Variants in GRM8 observed in about 807,000 individuals in gnomAD.
The protein encoded by GRM8 is glutamate metabotropic receptor 8.
Under a neutral mutation model 87.2 loss-of-function variants are expected in GRM8, and 47 were observed. That is an observed-to-expected ratio of 0.54 (90% CI 0.43 to 0.69). GRM8 has a LOEUF of 0.69. Among genes scored for constraint, GRM8 ranks in the 30% least tolerant of loss-of-function variants. The pLI, the probability that GRM8 is intolerant of heterozygous loss-of-function variation, is 0.00. For synonymous variants in GRM8, 396 were observed against 404.5 expected (o/e 0.98, Z 0.25); for missense variants, 1,019 against 1,139.2 (o/e 0.89, Z 1.52).
chr7:126,455,090 A>T (rs1191200058), intron 9 of GRM8, among the ~76,000 whole-genome samples: 1 of 151,794 alleles, frequency 6.6e-6, no homozygotes, highest in African/African-American at 2.4e-5. Flanking sequence ...CAACCATAAC[A>T]TCTATCAATT....
chr7:126,886,514 G>A (rs538514885), intron 6 of GRM8, among the ~76,000 whole-genome samples: 2 of 152,096 alleles, frequency 1.3e-5, no homozygotes, highest in Non-Finnish European at 2.9e-5. Context: ...GATGTCAACA[G>A]TGATGCCAAG....
chr7:127,221,641 G>A (rs1306029021), intron 2 of GRM8, among the ~76,000 whole-genome samples: 1 of 152,172 alleles, frequency 6.6e-6, no homozygotes, highest in East Asian at 1.9e-4. Flanking sequence ...GAGAATGCTC[G>A]TTAATAACTC....
At chr7:126,770,471 C>G (rs1050567778) in intron 6 of GRM8, among the ~76,000 whole-genome samples, 2 of 152,064 alleles carry the variant, frequency 1.3e-5, no homozygotes, top group Admixed American at 6.6e-5. Flanking sequence ...AAAGTAAGGT[C>G]TTTCACCACC....
At chr7:127,104,841 TATTTTAGTCAAA>T (rs1378218674) in intron 3 of GRM8, among the ~76,000 whole-genome samples, 2 of 152,234 alleles carry the variant, frequency 1.3e-5, no homozygotes, top group Non-Finnish European at 2.9e-5. Context: ...AAGTATTTCT[TATTTTAGTCAAA>T]AGAATAAAAC....
chr7:126,652,700 A>T lies in GRM8; in HGVS notation c.1358-43202T>A, dbSNP rs574205954. On this transcript the variant is annotated intron_variant, in intron 7 of 10. Coordinates refer to ENST00000339582, the MANE Select transcript of GRM8 (RefSeq NM_000845.3). ...CCAAGTTCTTCAGCTTTGGGGCTCA[A>T]ACTGGCTTCCTTGCTTCTCAACTTG... is the stretch of plus-strand genomic sequence containing the variant. 6.6e-5 allele frequency among the ~76,000 whole-genome samples: 10 copies of T among 152,314 alleles called. No homozygotes were observed. The South Asian group carries it at 1.7e-3, about 25-fold the overall frequency.
At position 126,717,278 on chromosome 7, in the gene GRM8, G is replaced by A. The variant is rs574151758; in HGVS notation, c.1357+52587C>T. Reference sequence around the variant, plus strand: ...TCCCTGAGGCAAATAATTCTAGAAGGGTGGAGATGGAAAGCACTGGTGTGA... The same window carrying A: ...TCCCTGAGGCAAATAATTCTAGAAGAGTGGAGATGGAAAGCACTGGTGTGA... On this transcript the variant is annotated intron_variant, in intron 7 of 10. Transcript: ENST00000339582. Among the ~76,000 whole-genome samples the A allele has an allele frequency of 2.6e-5, 4 of 152,284 alleles. No individual in the cohort carries two copies. In the South Asian group the frequency reaches 6.2e-4, roughly 24 times the overall value.
intron 9 of GRM8, among the ~76,000 whole-genome samples, chr7:126,472,518 G>T (rs1226272384): frequency 6.6e-6 from 1 of 152,108 alleles, no homozygotes; most frequent in Non-Finnish European, 1.5e-5. Context: ...CAAAGATATG[G>T]TTTGGAATTG....
chr7:126,822,768 A>T (rs989776298), intron 6 of GRM8, among the ~76,000 whole-genome samples: 9 of 151,790 alleles, frequency 5.9e-5, no homozygotes, highest in African/African-American at 2.2e-4. Context: ...TTTATGATAA[A>T]CTACCTCTGA....
chr7:126,830,515 T>G (rs895113751), intron 6 of GRM8, among the ~76,000 whole-genome samples: 1 of 152,260 alleles, frequency 6.6e-6, no homozygotes. Context: ...GGCGTCTGCA[T>G]TCTTCACATA....
At chr7:126,789,429 T>A (rs1235808665) in intron 6 of GRM8, among the ~76,000 whole-genome samples, 2 of 152,178 alleles carry the variant, frequency 1.3e-5, no homozygotes, top group Non-Finnish European at 2.9e-5. Context: ...TAAAGCTTTT[T>A]ATCTTTGCTG....
At chr7:126,719,852 A>G (rs75836346) in intron 7 of GRM8, among the ~76,000 whole-genome samples, 1 of 73,600 alleles carries the variant, frequency 1.4e-5, no homozygotes, top group Non-Finnish European at 2.6e-5. Context: ...TTTAGTCTTG[A>G]AAAAAAAAAA....
At chr7:126,683,824 T>G (rs956792318) in intron 7 of GRM8, among the ~76,000 whole-genome samples, 2 of 152,182 alleles carry the variant, frequency 1.3e-5, no homozygotes, top group Non-Finnish European at 2.9e-5. Context: ...GCTCTTTTCA[T>G]CCATGAGTGA....
intron 2 of GRM8, among the ~76,000 whole-genome samples, chr7:127,157,980 T>C (rs1161433506): frequency 6.6e-6 from 1 of 152,048 alleles, no homozygotes; most frequent in Non-Finnish European, 1.5e-5. Flanking sequence ...GGCAATGTGC[T>C]CTAAACTAAG....
At chr7:126,553,564 G>A (rs1792819059) in intron 8 of GRM8, among the ~76,000 whole-genome samples, 1 of 152,054 alleles carries the variant, frequency 6.6e-6, no homozygotes, top group African/African-American at 2.4e-5. Context: ...ACTCTGCTTG[G>A]GGTGGATTAT....
intron 3 of GRM8, among the ~76,000 whole-genome samples, chr7:127,011,363 T>A (rs1814877043): frequency 6.6e-6 from 1 of 152,132 alleles, no homozygotes; most frequent in Admixed American, 6.6e-5. Flanking sequence ...AACTTGAAGG[T>A]TTAACTACAT....
intron 9 of GRM8, among the ~76,000 whole-genome samples, chr7:126,469,043 G>C (rs1187312071): frequency 6.6e-6 from 1 of 152,004 alleles, no homozygotes; most frequent in Non-Finnish European, 1.5e-5. Flanking sequence ...CTTTGTTTCA[G>C]CATTTATTGT....
chr7:126,788,420 A>AAAAAAAAAAAAAAACAAAAAACAAAAAAC lies in GRM8; in HGVS notation c.1157-18356_1157-18355insGTTTTTTGTTTTTTGTTTTTTTTTTTTTT. On this transcript the variant is annotated intron_variant, in intron 6 of 10. Transcript: ENST00000339582. ...GCAAGACTCCATCTCAAAAAAAAAAAAAACCCTTTCAGATATCTTTAACAT... is the reference window on the plus strand; with the variant it reads ...GCAAGACTCCATCTCAAAAAAAAAAAAAAAAAAAAAAAAACAAAAAACAAAAAACAAACCCTTTCAGATATCTTTAACAT... 2.2e-3 allele frequency among the ~76,000 whole-genome samples: 177 copies of AAAAAAAAAAAAAAACAAAAAACAAAAAAC among 81,110 alleles called. 11 individuals are homozygous for AAAAAAAAAAAAAAACAAAAAACAAAAAAC. The highest frequency in any genetic ancestry group is 4.5e-3 in the East Asian group (12 of 2,684). 53.2% of individuals were successfully genotyped at this position (81,110 alleles called of 152,430 possible).
At chr7:126,609,521 G>T in intron 7 of GRM8, 23 bp from the exon 8 acceptor site, 1 of 1,591,792 alleles carries the variant, frequency 6.3e-7, no homozygotes, top group Non-Finnish European at 8.6e-7. Context: ...AGAAAACAAT[G>T]TTAATAAAGT....
intron 6 of GRM8, among the ~76,000 whole-genome samples, chr7:126,770,772 T>C (rs571914023): frequency 2.0e-5 from 3 of 152,190 alleles, no homozygotes; most frequent in Admixed American, 2.0e-4. Context: ...AAGAAATATA[T>C]TTTAAATGAA....
Sources: gnomAD v4.1 joint callset for allele counts (sites outside exome capture counted in the v4.1 genomes callset) on GRCh38, gnomAD v4.1.1 for gene constraint, MANE v1.5 for transcripts, NCBI Gene and HGNC (gene_info 2026-07-23, HGNC 2026-07-21) for gene names.